MYO10: variants seen among roughly 807,000 people sequenced by gnomAD.
MYO10 encodes unconventional myosin-X.
Under a neutral mutation model 257.3 loss-of-function variants are expected in MYO10, and 133 were observed. The ratio of observed to expected loss-of-function variants is 0.52; its 90% confidence interval spans 0.45 to 0.60. The LOEUF (loss-of-function observed/expected upper bound fraction) is 0.60, where lower values mean the gene tolerates loss of function less well. MYO10 is among the 20% of genes least tolerant of loss of function. The pLI, the probability that MYO10 is intolerant of heterozygous loss-of-function variation, is 0.00. For missense variants in MYO10, 2,399 were observed against 2,635.7 expected (o/e 0.91, Z 1.97); for synonymous variants, 1,104 against 1,028.6 (o/e 1.07, Z -1.40).
chr5:16,907,791 T>C (rs1419829993), intron 1 of MYO10, among the ~76,000 whole-genome samples: 3 of 152,266 alleles, frequency 2.0e-5, no homozygotes, highest in African/African-American at 7.2e-5. Flanking sequence ...AGAGAGCAGC[T>C]GCTGAGAAGG....
At chr5:16,854,801 G>A (rs1056387413) in intron 2 of MYO10, among the ~76,000 whole-genome samples, 1 of 152,122 alleles carries the variant, frequency 6.6e-6, no homozygotes, top group African/African-American at 2.4e-5. Context: ...GAAGGCTGAG[G>A]CAGGTAGACT....
chr5:16,885,649 G>C (rs1337300122), intron 1 of MYO10, among the ~76,000 whole-genome samples: 2 of 146,596 alleles, frequency 1.4e-5, no homozygotes, highest in Non-Finnish European at 3.0e-5. Context: ...TCCAGCCCAG[G>C]CAACAGGGCA....
At chr5:16,697,697 C>CA (rs57222789) in intron 26 of MYO10, among the ~76,000 whole-genome samples, 77,677 of 133,432 alleles carry the variant, frequency 0.58, 21,276 homozygotes, top group African/African-American at 0.66. Flanking sequence ...GATCCTGTCT[C>CA]AAAAAAAAAA....
intron 19 of MYO10, among the ~76,000 whole-genome samples, chr5:16,734,350 C>A (rs777603337): frequency 3.9e-5 from 6 of 152,184 alleles, no homozygotes; most frequent in Non-Finnish European, 8.8e-5. Flanking sequence ...CCCACGCCTA[C>A]CCCAAAATGA....
chr5:16,720,726 G>A (rs1739122888), intron 19 of MYO10, among the ~76,000 whole-genome samples: 1 of 152,166 alleles, frequency 6.6e-6, no homozygotes, highest in African/African-American at 2.4e-5. Context: ...CCAAATTGCT[G>A]GGATTACAGG....
chr5:16,789,049 C>CCT (rs924896101), intron 4 of MYO10, among the ~76,000 whole-genome samples: 43 of 152,286 alleles, frequency 2.8e-4, no homozygotes, highest in African/African-American at 1.0e-3. Context: ...GTGCACAGGA[C>CCT]ACGCTAGCCT....
chr5:16,755,682 G>T (rs1430402303), intron 18 of MYO10, among the ~76,000 whole-genome samples: 1 of 149,486 alleles, frequency 6.7e-6, no homozygotes, highest in Non-Finnish European at 1.5e-5. Flanking sequence ...CAGACTTACA[G>T]ACTCCAGATC....
intron 2 of MYO10, among the ~76,000 whole-genome samples, chr5:16,823,694 G>A (rs1323544965): frequency 2.0e-5 from 3 of 150,184 alleles, no homozygotes; most frequent in Admixed American, 6.7e-5. Context: ...GGATGGTCTC[G>A]AACTCCTGAC....
At chr5:16,916,353 GCTC>G (rs950216635) in intron 1 of MYO10, 7 of 221,218 alleles carry the variant, frequency 3.2e-5, no homozygotes, top group Non-Finnish European at 6.4e-5. Context: ...TGACACTAAA[GCTC>G]CTCTAGAAAG....
intron 17 of MYO10, among the ~76,000 whole-genome samples, chr5:16,759,079 G>T (rs952438089): frequency 3.3e-5 from 5 of 152,138 alleles, no homozygotes; most frequent in South Asian, 4.1e-4. Flanking sequence ...CTGCCATCAC[G>T]CCTGGCTAAT....
At chr5:16,911,763 C>T (rs113709079) in intron 1 of MYO10, among the ~76,000 whole-genome samples, 4 of 152,016 alleles carry the variant, frequency 2.6e-5, no homozygotes, top group Non-Finnish European at 5.9e-5. Flanking sequence ...ATTGGCCAGC[C>T]GCGGTGGCTC....
At chr5:16,929,244 C>A (rs757202139) in intron 1 of MYO10, among the ~76,000 whole-genome samples, 2 of 152,136 alleles carry the variant, frequency 1.3e-5, no homozygotes, top group African/African-American at 4.8e-5. Context: ...TGAGCCACTG[C>A]ACCCGGCCAA....
At chr5:16,862,718 C>G (rs893689969) in intron 2 of MYO10, among the ~76,000 whole-genome samples, 1 of 152,150 alleles carries the variant, frequency 6.6e-6, no homozygotes, top group Non-Finnish European at 1.5e-5. Context: ...GGATTATTTT[C>G]AGTATTCACA....
intron 3 of MYO10, among the ~76,000 whole-genome samples, chr5:16,814,247 T>C (rs970612575): frequency 6.6e-6 from 1 of 152,134 alleles, no homozygotes; most frequent in Non-Finnish European, 1.5e-5. Flanking sequence ...GTTCACGCCA[T>C]TTTCCTGCCT....
At chr5:16,874,726 A>G (rs1378644403) in intron 2 of MYO10, among the ~76,000 whole-genome samples, 5 of 152,036 alleles carry the variant, frequency 3.3e-5, no homozygotes, top group Non-Finnish European at 4.4e-5. Context: ...ACTTCCCCAC[A>G]TTTTCCTGTC....
chr5:16,911,062 AT>A (rs1440403904), intron 1 of MYO10, among the ~76,000 whole-genome samples: 7 of 152,168 alleles, frequency 4.6e-5, no homozygotes, highest in African/African-American at 1.4e-4. Context: ...TCCATAAAGA[AT>A]GGGCCAGGCC....
chr5:16,735,360 T>C (rs1739749425), intron 19 of MYO10, among the ~76,000 whole-genome samples: 1 of 152,066 alleles, frequency 6.6e-6, no homozygotes, highest in Admixed American at 6.5e-5. Context: ...ATGCTGTGAT[T>C]TACACGAGAA....
chr5:16,866,014 A>AACACACACACACACACAC (rs34718010), intron 2 of MYO10, among the ~76,000 whole-genome samples: 9 of 136,484 alleles, frequency 6.6e-5, no homozygotes, highest in African/African-American at 2.5e-4. Context: ...TATTTACCCA[A>AACACACACACACACACAC]ACACACACAC....
chr5:16,792,128 CACACAGAGAGAGAGAG>C (rs1465726863), intron 4 of MYO10, among the ~76,000 whole-genome samples: 22 of 137,768 alleles, frequency 1.6e-4, no homozygotes, highest in South Asian at 2.5e-4. Context: ...CACACACACA[CACACAGAGAGAGAGAG>C]AGAGAGAGAG....
Sources: gnomAD v4.1 joint callset for allele counts (sites outside exome capture counted in the v4.1 genomes callset) on GRCh38, gnomAD v4.1.1 for gene constraint, MANE v1.5 for transcripts, NCBI Gene and HGNC (gene_info 2026-07-23, HGNC 2026-07-21) for gene names.